DERA: variants seen among roughly 807,000 people sequenced by gnomAD.
The protein encoded by DERA is deoxyribose-phosphate aldolase.
A neutral mutation model predicts 41.1 loss-of-function variants in DERA; 15 were observed. That is an observed-to-expected ratio of 0.37 (90% CI 0.24 to 0.56). The LOEUF is 0.56. DERA is among the 20% of genes least tolerant of loss of function. The probability of loss-of-function intolerance (pLI) is 0.81; values close to 1 mark genes in which losing one functional copy is unlikely to be tolerated. For synonymous variants in DERA, 139 were observed against 137.4 expected (o/e 1.01, Z -0.08); for missense variants, 396 against 403.4 (o/e 0.98, Z 0.16).
intron 5 of DERA, among the ~76,000 whole-genome samples, chr12:15,977,118 C>A (rs1489871967): frequency 1.3e-5 from 2 of 152,198 alleles, no homozygotes; most frequent in Admixed American, 1.3e-4. Flanking sequence ...TTTTATGCAG[C>A]TTTTTTCCCC....
In DERA at chr12:15,959,782, G is replaced by A. The variant is rs1948569019; in HGVS notation, c.278-47G>A. On this transcript the variant is annotated intron_variant, in intron 3 of 8. Transcript: ENST00000428559. The surrounding 1 kb of genome is among the most constrained non-coding windows in gnomAD (Gnocchi z 4.5). ...AATAATAATTAAAAGCATGTTGTAT[G>A]AGTTGAACTTCATTGAAAGTTGGCT... 7.7e-7 allele frequency: 1 copy of A among 1,304,778 alleles called. No individual in the cohort carries two copies. Among genetic ancestry groups the A allele is most frequent in the Non-Finnish European group, 1.1e-6 (1 of 929,826 alleles). 80.8% of individuals were successfully genotyped at this position (1,304,778 alleles called of 1,614,324 possible).
At position 15,913,072 on chromosome 12, in the gene DERA, A is replaced by G. The variant is rs1948175997; in HGVS notation, c.31+1658A>G. On this transcript the variant is annotated intron_variant, in intron 1 of 8. Coordinates refer to ENST00000428559, the MANE Select transcript of DERA (RefSeq NM_015954.4). The surrounding 1 kb of genome is among the most constrained non-coding windows in gnomAD (Gnocchi z 4.5). ...CAGGAATATGACCATGTGACTATGC[A>G]TACATCAAGGATGTGCCCTAAATTT... Among the ~76,000 whole-genome samples the G allele has an allele frequency of 2.0e-5, 3 of 152,232 alleles. No homozygotes were observed.
chr12:15,954,956 C>A lies in DERA; in HGVS notation c.32-1980C>A, dbSNP rs915299173. On this transcript the variant is annotated intron_variant, in intron 1 of 8. Coordinates refer to ENST00000428559, the MANE Select transcript of DERA (RefSeq NM_015954.4). This position sits in a 1 kb window ranked among gnomAD's most constrained non-coding sequence, Gnocchi z 4.0. ...TTTTTCTATATCTGCTTGAAACAGT[C>A]TTTACCATGAACCAAATCAGCATTA... 1.3e-5 allele frequency among the ~76,000 whole-genome samples: 2 copies of A among 151,666 alleles called. No individual in the cohort carries two copies. The highest frequency in any genetic ancestry group is 1.3e-4 in the Admixed American group (2 of 15,242).
chr12:15,911,494 C>A lies in DERA; in HGVS notation c.31+80C>A, dbSNP rs1948163336. Reference sequence around the variant, plus strand: ...GACTAGCGCGGGGCCTGCTGCCGCCCAGTGCCCTGGCTGTGGGTCCCCGAG... The same window carrying A: ...GACTAGCGCGGGGCCTGCTGCCGCCAAGTGCCCTGGCTGTGGGTCCCCGAG... On this transcript the variant is annotated intron_variant, in intron 1 of 8. Coordinates refer to ENST00000428559, the MANE Select transcript of DERA (RefSeq NM_015954.4). The surrounding 1 kb of genome is among the most constrained non-coding windows in gnomAD (Gnocchi z 4.5). The A allele has an allele frequency of 1.5e-6, 2 of 1,325,948 alleles. No homozygotes were observed. Among genetic ancestry groups the A allele is most frequent in the East Asian group, 5.3e-5 (2 of 37,768 alleles). The allele number at this position is 1,325,948 out of a possible 1,614,324, so 82.1% of individuals were successfully genotyped here.
rs1389533079 is a variant in DERA at position 15,988,347 on chromosome 12, A to T, written c.637+5911A>T. Among the ~76,000 whole-genome samples, 1 of 152,188 alleles carries T rather than the reference A, an allele frequency of 6.6e-6. No individual in the cohort carries two copies. Among genetic ancestry groups the T allele is most frequent in the African/African-American group, 2.4e-5 (1 of 41,456 alleles). On this transcript the variant is annotated intron_variant, in intron 6 of 8. Coordinates refer to ENST00000428559, the MANE Select transcript of DERA (RefSeq NM_015954.4). This position sits in a 1 kb window ranked among gnomAD's most constrained non-coding sequence, Gnocchi z 6.0. ...TACTTGGACAACTGGAGGGTGAGCA[A>T]GGCACAGAGGAGCTTCATTAAGCAA...
chr12:15,960,691 C>T lies in DERA; in HGVS notation c.373+767C>T, dbSNP rs146708039. 6.3e-3 allele frequency among the ~76,000 whole-genome samples: 897 copies of T among 142,460 alleles called. 14 individuals carry two copies. The highest frequency in any genetic ancestry group is 0.022 in the African/African-American group (859 of 38,318). The allele number at this position is 142,460 out of a possible 152,430, so 93.5% of individuals were successfully genotyped here. ...ACGATATGTGCAAAATGTGTAGTTGCGGTTCTGAGCAGGGAATGATATATT... is the reference window on the plus strand; with the variant it reads ...ACGATATGTGCAAAATGTGTAGTTGTGGTTCTGAGCAGGGAATGATATATT... On this transcript the variant is annotated intron_variant, in intron 4 of 8. Coordinates refer to ENST00000428559, the MANE Select transcript of DERA (RefSeq NM_015954.4).
intron 5 of DERA, among the ~76,000 whole-genome samples, chr12:15,974,219 G>A (rs896207002): frequency 1.3e-5 from 2 of 152,140 alleles, no homozygotes; most frequent in African/African-American, 4.8e-5. Flanking sequence ...CCACAGTACT[G>A]CATCAAAATC....
chr12:15,989,349 A>T lies in DERA; in HGVS notation c.637+6913A>T, dbSNP rs903485074. ...TTCAAATTGGCTTTTAAGCCTATCC[A>T]GTGAAATGTATGCTGCTGTACATTT... On this transcript the variant is annotated intron_variant, in intron 6 of 8. Transcript: ENST00000428559. This position sits in a 1 kb window ranked among gnomAD's most constrained non-coding sequence, Gnocchi z 5.2. 6.6e-6 allele frequency among the ~76,000 whole-genome samples: 1 copy of T among 152,234 alleles called. No individual in the cohort carries two copies. The highest frequency in any genetic ancestry group is 1.5e-5 in the Non-Finnish European group (1 of 68,038).
intron 6 of DERA, among the ~76,000 whole-genome samples, chr12:15,997,182 A>G (rs1490970319): frequency 6.6e-6 from 1 of 152,204 alleles, no homozygotes; most frequent in East Asian, 1.9e-4. Context: ...GTTATTCTCT[A>G]TCATAAACTA....
rs562301361 is a variant in DERA, at chr12:15,957,977, C to T, written c.130-211C>T. Among the ~76,000 whole-genome samples the T allele has an allele frequency of 6.6e-6, 1 of 152,262 alleles. No individual in the cohort carries two copies. The highest frequency in any genetic ancestry group is 1.9e-4 in the East Asian group (1 of 5,184). On this transcript the variant is annotated intron_variant, in intron 2 of 8. Coordinates refer to ENST00000428559, the MANE Select transcript of DERA (RefSeq NM_015954.4). The surrounding 1 kb of genome is among the most constrained non-coding windows in gnomAD (Gnocchi z 4.8). ...GAGAAAAAAAATGTTTAAGCCTACT[C>T]TTCCTCCCTTTTATTTTGGGCAGTG...
chr12:15,977,720 A>G (rs1284506816), intron 5 of DERA, among the ~76,000 whole-genome samples: 2 of 152,174 alleles, frequency 1.3e-5, no homozygotes, highest in African/African-American at 4.8e-5. Context: ...AGCCTCCCAA[A>G]GTGCTGGGAT....
At position 15,921,120 on chromosome 12, in the gene DERA, A is replaced by G. The variant is rs138485993; in HGVS notation, c.31+9706A>G. ...GCAAAGTTTCTCTAAGCAAATATGGAAAGAAATAAGCCTTTTTATTTGATT... is the reference window on the plus strand; with the variant it reads ...GCAAAGTTTCTCTAAGCAAATATGGGAAGAAATAAGCCTTTTTATTTGATT... On this transcript the variant is annotated intron_variant, in intron 1 of 8. Coordinates refer to ENST00000428559, the MANE Select transcript of DERA (RefSeq NM_015954.4). The surrounding 1 kb of genome is among the most constrained non-coding windows in gnomAD (Gnocchi z 5.3). Among the ~76,000 whole-genome samples, 400 of 152,346 alleles carry G rather than the reference A, an allele frequency of 2.6e-3. 2 individuals carry two copies. The highest frequency in any genetic ancestry group is 9.1e-3 in the African/African-American group (380 of 41,580).
At chr12:16,025,542 C>G (rs1565617747) in intron 6 of DERA, among the ~76,000 whole-genome samples, 1 of 151,866 alleles carries the variant, frequency 6.6e-6, no homozygotes, top group Non-Finnish European at 1.5e-5. Context: ...CACAGAGCAT[C>G]AAAATATGAG....
intron 4 of DERA, among the ~76,000 whole-genome samples, chr12:15,961,224 A>G (rs1948585488): frequency 6.6e-6 from 1 of 152,256 alleles, no homozygotes; most frequent in African/African-American, 2.4e-5. Flanking sequence ...GAAGTCACTG[A>G]CTTCAGATAG....
Position 15,982,369 on chromosome 12 carries a change from A to G in DERA, c.570A>G (p.Ile190Met), listed in dbSNP as rs764048362. 10 of 1,613,786 alleles carry G rather than the reference A, an allele frequency of 6.2e-6. No homozygotes were observed. In the Admixed American group the frequency reaches 1.7e-4, roughly 27 times the overall value. Residue 190 changes from isoleucine (I) to methionine (M), a missense_variant, in exon 6 of 9, where the codon ATA becomes ATG. Ile to Met is a conservative substitution (Grantham distance 10). Transcript: ENST00000428559. The surrounding 1 kb of genome is among the most constrained non-coding windows in gnomAD (Gnocchi z 4.0). Reference protein sequence around the residue: ...KACGEAHLKTILATGELGTLT... With the variant: ...KACGEAHLKTMLATGELGTLT... The stretch of plus-strand genomic sequence containing the variant: ...GTGGGGAGGCTCATCTTAAAACTAT[A>G]TTAGCGACAGGAGAACTTGGAACTC...
chr12:15,934,591 A>G (rs1317182575), intron 1 of DERA, among the ~76,000 whole-genome samples: 2 of 152,134 alleles, frequency 1.3e-5, no homozygotes, highest in Non-Finnish European at 2.9e-5. Flanking sequence ...TGTCTTAAAA[A>G]AAAAACAAAA....
chr12:15,977,873 G>T lies in DERA; in HGVS notation c.509-4435G>T, dbSNP rs184692984. Among the ~76,000 whole-genome samples the T allele has an allele frequency of 2.2e-3, 332 of 152,310 alleles. 3 individuals carry two copies. The highest frequency in any genetic ancestry group is 7.7e-3 in the African/African-American group (318 of 41,566). On this transcript the variant is annotated intron_variant, in intron 5 of 8. Coordinates refer to ENST00000428559, the MANE Select transcript of DERA (RefSeq NM_015954.4). The stretch of plus-strand genomic sequence containing the variant: ...TTTTGAGGGAAGAGGCTTTGAAAAC[G>T]TAGGGGATTTCTCATCCTTTAGAGT...
chr12:16,032,290 G>A (rs780895920), intron 6 of DERA, among the ~76,000 whole-genome samples: 26 of 152,306 alleles, frequency 1.7e-4, no homozygotes, highest in Non-Finnish European at 2.9e-4. Flanking sequence ...TGGCATTGTG[G>A]AAATATGGAG....
rs1395715899 is a variant in DERA, at chr12:16,021,783, C to T, written c.638-10759C>T. On this transcript the variant is annotated intron_variant, in intron 6 of 8. Transcript: ENST00000428559. The surrounding 1 kb of genome is among the most constrained non-coding windows in gnomAD (Gnocchi z 5.3). ...GGCTTGTATGAGGCCTATAGCGCACCCCTCCCCCTTTTTTGGCTGATTTCT... is the reference window on the plus strand; with the variant it reads ...GGCTTGTATGAGGCCTATAGCGCACTCCTCCCCCTTTTTTGGCTGATTTCT... 6.6e-6 allele frequency among the ~76,000 whole-genome samples: 1 copy of T among 152,126 alleles called. No individual in the cohort carries two copies. The highest frequency in any genetic ancestry group is 2.4e-5 in the African/African-American group (1 of 41,412).
Sources: allele counts gnomAD v4.1 joint callset (sites outside exome capture counted in the v4.1 genomes callset), GRCh38; gene constraint gnomAD v4.1.1; non-coding constraint Gnocchi (gnomAD v3.1); transcripts MANE v1.5; gene names NCBI Gene and HGNC (gene_info 2026-07-23, HGNC 2026-07-21).